Variants in MORC3 observed in about 807,000 individuals in gnomAD.
MORC3 encodes MORC family CW-type zinc finger 3.
Under a neutral mutation model 109.1 loss-of-function variants are expected in MORC3, and 31 were observed. The ratio of observed to expected loss-of-function variants is 0.28; its 90% CI spans 0.21 to 0.38. The LOEUF is 0.38. MORC3 is among the 10% of genes least tolerant of loss of function. The pLI is 1.00. For missense variants in MORC3, 867 were observed against 1,135.8 expected (o/e 0.76, Z 3.40); for synonymous variants, 395 against 380.7 (o/e 1.04, Z -0.44).
chr21:36,349,499 A>T (rs1395501966), intron 9 of MORC3, 91 bp downstream of exon 9: 12 of 774,404 alleles, frequency 1.5e-5, no homozygotes, highest in Non-Finnish European at 2.4e-5. Context: ...GAATCTCAGA[A>T]ATACCTTATT....
chr21:36,349,680 C>T (rs1231443543), intron 9 of MORC3, among the ~76,000 whole-genome samples: 1 of 152,150 alleles, frequency 6.6e-6, no homozygotes, highest in Non-Finnish European at 1.5e-5. Flanking sequence ...GGTGGCAAAA[C>T]ATTTAGCTTA....
chr21:36,368,967 T>C (rs2085814197), intron 14 of MORC3, 21 bp from the exon 15 acceptor site: 1 of 1,552,224 alleles, frequency 6.4e-7, no homozygotes, highest in East Asian at 2.3e-5. Context: ...TCTTATGTTT[T>C]ATGTATAAAA....
chr21:36,333,373 C>T (rs1195719064), intron 1 of MORC3: 1 of 422,198 alleles, frequency 2.4e-6, no homozygotes, highest in African/African-American at 2.0e-5. Context: ...CAAGGTATGT[C>T]CCTATTTGGG....
Position 36,369,195 on chromosome 21 carries a change from G to A in MORC3, c.1827G>A (p.Gln609=). ...EQSHVEQGGV[Q]VEFVGDSEPC... ...GTCACGTTGAGCAAGGTGGTGTTCAGGTTGAGTTTGTGGGTGACAGTGAAC... is the reference window on the plus strand; with the variant it reads ...GTCACGTTGAGCAAGGTGGTGTTCAAGTTGAGTTTGTGGGTGACAGTGAAC... Residue 609 remains glutamine, a synonymous_variant, in exon 15 of 17, where the codon CAG becomes CAA. Transcript: ENST00000400485. The A allele has an allele frequency of 6.2e-7, 1 of 1,614,158 alleles. No homozygotes were observed. The highest frequency in any genetic ancestry group is 1.6e-4 in the Middle Eastern group (1 of 6,062).
chr21:36,338,297 A>G (rs1407008699), intron 4 of MORC3, among the ~76,000 whole-genome samples: 1 of 152,240 alleles, frequency 6.6e-6, no homozygotes, highest in Non-Finnish European at 1.5e-5. Context: ...GTATGAACAC[A>G]TTGGAATATT....
At chr21:36,358,156 G>A (rs897213617) in intron 10 of MORC3, among the ~76,000 whole-genome samples, 2 of 152,018 alleles carry the variant, frequency 1.3e-5, no homozygotes, top group Non-Finnish European at 2.9e-5. Flanking sequence ...CAACCGAGGC[G>A]GGCGGATCAC....
rs748162865 is a variant in MORC3 at position 36,369,011 on chromosome 21, G to A, written c.1643G>A (p.Arg548His). 11 of 1,609,400 alleles carry A rather than the reference G, an allele frequency of 6.8e-6. No individual in the cohort carries two copies. Among genetic ancestry groups the A allele is most frequent in the African/African-American group, 2.7e-5 (2 of 74,676 alleles). The change falls in exon 15 of 17, where the codon CGT becomes CAT. Residue 548 changes from arginine (R) to histidine (H), a missense_variant. Physicochemically the swap from Arg to His is conservative, Grantham distance 29 (BLOSUM62 0). Transcript: ENST00000400485. The part of the protein sequence containing the change: ...SNSLKRRLST[R>H]SSILNAKNRR... ...AGCTTGAAACGGAGACTTTCTACTC[G>A]TTCCTCAATTTTGAATGCAAAGAAT...
chr21:36,359,556 C>CTTTTTTT (rs5843757), intron 10 of MORC3, among the ~76,000 whole-genome samples: 6 of 93,952 alleles, frequency 6.4e-5, no homozygotes, highest in Non-Finnish European at 1.1e-4. Flanking sequence ...CTTTCCTCTC[C>CTTTTTTT]TTTTTTTTTT....
chr21:36,336,540 A>G (rs118166896), intron 2 of MORC3, among the ~76,000 whole-genome samples: 3,768 of 152,314 alleles, frequency 0.025, 65 homozygotes, highest in Admixed American at 0.046. Flanking sequence ...CACCACATGC[A>G]GACTTAGTCC....
chr21:36,322,054 G>T (rs562212269), intron 1 of MORC3, among the ~76,000 whole-genome samples: 264 of 152,226 alleles, frequency 1.7e-3, no homozygotes, highest in African/African-American at 5.9e-3. Context: ...TTTTGCTTTA[G>T]GTCAGGAGTT....
chr21:36,344,474 A>T, intron 6 of MORC3, 105 bp from the exon 7 acceptor site: 3 of 1,286,500 alleles, frequency 2.3e-6, no homozygotes, highest in Non-Finnish European at 3.2e-6. Flanking sequence ...TTGAAGAGTT[A>T]ATTGATCTTT....
chr21:36,320,621 G>C (rs1225791819), intron 1 of MORC3: 2 of 283,940 alleles, frequency 7.0e-6, no homozygotes, highest in East Asian at 6.0e-5. Context: ...AGATCGGTCT[G>C]CTCTCGGGGC....
Position 36,333,725 on chromosome 21 carries a change from A to G in MORC3, c.112+7A>G. Reference sequence around the variant, plus strand: ...GCAGTTGCTGAATTAATAGGTATGTAGTTTGACATTTCATATACCATTTGT... The same window carrying G: ...GCAGTTGCTGAATTAATAGGTATGTGGTTTGACATTTCATATACCATTTGT... On this transcript the variant is annotated splice_region_variant and intron_variant, in intron 2 of 16. Transcript: ENST00000400485. The G allele has an allele frequency of 6.3e-7, 1 of 1,583,274 alleles. No individual in the cohort carries two copies. The highest frequency in any genetic ancestry group is 8.7e-7 in the Non-Finnish European group (1 of 1,154,532).
chr21:36,356,842 G>T lies in MORC3; in HGVS notation c.1208+118G>T, dbSNP rs538174300. 7.4e-5 allele frequency: 43 copies of T among 580,720 alleles called. No individual in the cohort carries two copies. The African/African-American group carries it at 7.9e-4, about 11-fold the overall frequency. The allele number at this position is 580,720 out of a possible 1,614,324, so 36.0% of individuals were successfully genotyped here. A position where few individuals can be genotyped will look rare whatever the true frequency, so the allele number is the denominator to read the frequency against. On this transcript the variant is annotated intron_variant, in intron 10 of 16. Coordinates refer to ENST00000400485, the MANE Select transcript of MORC3 (RefSeq NM_015358.3). ...ACTGTAACTCATAGGAATAAATTCTGCAACATGAATTAGCGCACTGCAAAA... is the reference window on the plus strand; with the variant it reads ...ACTGTAACTCATAGGAATAAATTCTTCAACATGAATTAGCGCACTGCAAAA...
rs777300355 is a variant in MORC3, at chr21:36,320,235, G to A, written c.-30G>A. 1.9e-6 allele frequency: 3 copies of A among 1,574,412 alleles called. No homozygotes were observed. The highest frequency in any genetic ancestry group is 1.2e-5 in the South Asian group (1 of 86,376). On this transcript the variant is annotated 5_prime_UTR_variant, in exon 1 of 17. Coordinates refer to ENST00000400485, the MANE Select transcript of MORC3 (RefSeq NM_015358.3). ...CACCTCCCAGTCGGGTTGCGGCGGA[G>A]GCCGTTCCTGGCTTTGTAGCTCGCT...
At chr21:36,365,472 T>C (rs1235257324) in intron 14 of MORC3, among the ~76,000 whole-genome samples, 5 of 152,194 alleles carry the variant, frequency 3.3e-5, no homozygotes, top group African/African-American at 1.2e-4. Flanking sequence ...GTTTTGTAAC[T>C]TTTATCAAAT....
At chr21:36,357,596 T>C (rs529062169) in intron 10 of MORC3, among the ~76,000 whole-genome samples, 2 of 152,068 alleles carry the variant, frequency 1.3e-5, no homozygotes, top group African/African-American at 4.8e-5. Context: ...TTTATAAGCA[T>C]AGAAAATTTC....
intron 1 of MORC3, among the ~76,000 whole-genome samples, chr21:36,330,322 T>G (rs1019081087): frequency 1.3e-5 from 2 of 152,246 alleles, no homozygotes; most frequent in Admixed American, 1.3e-4. Flanking sequence ...AGTAAAACTT[T>G]GGTCTCCACA....
At chr21:36,356,597 G>GAATTA in intron 9 of MORC3, 23 bp from the exon 10 acceptor site, 6 of 1,518,590 alleles carry the variant, frequency 4.0e-6, no homozygotes, top group Non-Finnish European at 5.4e-6. Flanking sequence ...ATTTTTTCTT[G>GAATTA]ATTTTATGAT....
Sources: gnomAD v4.1 joint callset for allele counts (sites outside exome capture counted in the v4.1 genomes callset) on GRCh38, gnomAD v4.1.1 for gene constraint, MANE v1.5 for transcripts, NCBI Gene and HGNC (gene_info 2026-07-23, HGNC 2026-07-21) for gene names.